Variants in ECHDC1 observed in about 807,000 individuals in gnomAD.
ECHDC1 encodes ethylmalonyl-CoA decarboxylase.
In ECHDC1, 29 loss-of-function variants were observed where a neutral mutation model predicts 29.7. The observed-to-expected ratio is 0.98, with a 90% CI of 0.73 to 1.33. ECHDC1 has a LOEUF of 1.33. Among genes scored for constraint, ECHDC1 ranks in the 40% most tolerant of loss-of-function variants. The probability of loss-of-function intolerance (pLI) is 0.00; values close to 1 mark genes in which losing one functional copy is unlikely to be tolerated. For missense variants in ECHDC1, 328 were observed against 350.0 expected (o/e 0.94, Z 0.50); for synonymous variants, 126 against 123.1 (o/e 1.02, Z -0.15).
In ECHDC1 at chr6:127,290,033, G is replaced by A; in HGVS notation, c.742C>T (p.Gln248Ter). ...EAQEWLKQFI[Q>*]GPPEVIRALK... ...GCTCTAATTACTTCCGGTGGCCCTT[G>A]GATGAATTGCTTTAGCCATTCTTGT... The change falls in exon 6 of 6, where the codon CAA (glutamine) becomes TAA (stop). Residue 248 changes from glutamine (Q) to a stop codon, truncating the protein, a stop_gained. Coordinates refer to ENST00000454859, the MANE Select transcript of ECHDC1 (RefSeq NM_001002030.2). LOFTEE classifies it high-confidence loss of function. 5 of 1,613,664 alleles carry A rather than the reference G, an allele frequency of 3.1e-6. No homozygotes were observed. Among genetic ancestry groups the A allele is most frequent in the Non-Finnish European group, 4.2e-6 (5 of 1,179,742 alleles).
intron 5 of ECHDC1, among the ~76,000 whole-genome samples, chr6:127,306,577 A>G (rs1781457277): frequency 6.6e-6 from 1 of 152,156 alleles, no homozygotes; most frequent in South Asian, 2.1e-4. Context: ...TGCTCCAGCC[A>G]TGTAGGACGT....
chr6:127,342,540 AC>A, intron 1 of ECHDC1: 1 of 597,382 alleles, frequency 1.7e-6, no homozygotes, highest in Non-Finnish European at 2.8e-6. Flanking sequence ...TATACTTCTC[AC>A]CACAAGCTTG....
chr6:127,332,696 C>T (rs1784071977), intron 1 of ECHDC1, among the ~76,000 whole-genome samples: 1 of 152,096 alleles, frequency 6.6e-6, no homozygotes, highest in Non-Finnish European at 1.5e-5. Context: ...TTTAGTCTGG[C>T]TCAGTGAATC....
chr6:127,300,812 G>A (rs970017027), intron 5 of ECHDC1, among the ~76,000 whole-genome samples: 4 of 152,202 alleles, frequency 2.6e-5, no homozygotes, highest in Non-Finnish European at 4.4e-5. Flanking sequence ...AAAACCAGCT[G>A]AGCCCAGCTA....
chr6:127,338,426 T>G (rs1039605648), intron 1 of ECHDC1, among the ~76,000 whole-genome samples: 1 of 152,126 alleles, frequency 6.6e-6, no homozygotes, highest in Non-Finnish European at 1.5e-5. Flanking sequence ...TAAAAGGATA[T>G]CTTTTTTTTT....
chr6:127,315,516 A>G, intron 4 of ECHDC1: 2 of 220,240 alleles, frequency 9.1e-6, no homozygotes, highest in Non-Finnish European at 1.8e-5. Context: ...GTGTGAATAC[A>G]AGGTAAATCT....
intron 5 of ECHDC1, among the ~76,000 whole-genome samples, chr6:127,302,311 A>G (rs1781113194): frequency 1.3e-5 from 2 of 152,200 alleles, no homozygotes; most frequent in African/African-American, 4.8e-5. Context: ...CTTGTTCCAA[A>G]TAACATCTAA....
chr6:127,299,077 G>A (rs1218647191), intron 5 of ECHDC1, among the ~76,000 whole-genome samples: 1 of 151,630 alleles, frequency 6.6e-6, no homozygotes, highest in East Asian at 1.9e-4. Flanking sequence ...ATGTTGCCCA[G>A]GCTGGTCTCC....
At chr6:127,327,844 G>A (rs1783504543) in intron 2 of ECHDC1, among the ~76,000 whole-genome samples, 1 of 152,136 alleles carries the variant, frequency 6.6e-6, no homozygotes, top group Admixed American at 6.5e-5. Context: ...CACAGAAACA[G>A]CTGGGACTGG....
intron 5 of ECHDC1, among the ~76,000 whole-genome samples, chr6:127,304,459 T>C (rs1352908955): frequency 8.5e-5 from 13 of 152,266 alleles, no homozygotes; most frequent in Admixed American, 4.6e-4. Flanking sequence ...GTGAAGATTA[T>C]AATAAATACC....
At chr6:127,335,664 C>G (rs1784367606) in intron 1 of ECHDC1, among the ~76,000 whole-genome samples, 1 of 151,876 alleles carries the variant, frequency 6.6e-6, no homozygotes, top group African/African-American at 2.4e-5. Context: ...GCTATGGTTA[C>G]CGAATAAAGA....
At chr6:127,307,648 G>GAAAAAAAAAAAAAAAAAA (rs71024770) in intron 5 of ECHDC1, among the ~76,000 whole-genome samples, 12 of 48,606 alleles carry the variant, frequency 2.5e-4, no homozygotes, top group Non-Finnish European at 3.4e-4. Context: ...CTCTGTCTCA[G>GAAAAAAAAAAAAAAAAAA]AAAAAAAAAA....
chr6:127,318,677 A>T (rs1157429216), intron 3 of ECHDC1, among the ~76,000 whole-genome samples: 1 of 152,200 alleles, frequency 6.6e-6, no homozygotes, highest in Admixed American at 6.5e-5. Context: ...CTAGACAGTA[A>T]GTCCCTTGAT....
intron 3 of ECHDC1, among the ~76,000 whole-genome samples, chr6:127,320,794 C>A (rs1782770346): frequency 6.6e-6 from 1 of 152,028 alleles, no homozygotes; most frequent in Non-Finnish European, 1.5e-5. Flanking sequence ...ACCATCTGAA[C>A]CAAGAATTAA....
chr6:127,308,126 G>C lies in ECHDC1; in HGVS notation c.497+6690C>G, dbSNP rs113438242. On this transcript the variant is annotated intron_variant, in intron 5 of 5. Coordinates refer to ENST00000454859, the MANE Select transcript of ECHDC1 (RefSeq NM_001002030.2). ...CCGATATTCTGAAAAATAGAGGAGGGGATACTTCCGAACTCATTCTGTGAG... is the reference window on the plus strand; with the variant it reads ...CCGATATTCTGAAAAATAGAGGAGGCGATACTTCCGAACTCATTCTGTGAG... 1.1e-4 allele frequency among the ~76,000 whole-genome samples: 17 copies of C among 152,110 alleles called. 1 individual carries two copies. The highest frequency in any genetic ancestry group is 4.1e-4 in the African/African-American group (17 of 41,498).
chr6:127,336,812 C>A (rs1784462521), intron 1 of ECHDC1, among the ~76,000 whole-genome samples: 2 of 152,032 alleles, frequency 1.3e-5, no homozygotes, highest in African/African-American at 4.8e-5. Flanking sequence ...GAAAAAAACA[C>A]CAAGGATTTT....
chr6:127,327,689 T>C (rs1314777223), intron 2 of ECHDC1, among the ~76,000 whole-genome samples: 1 of 152,172 alleles, frequency 6.6e-6, no homozygotes, highest in African/African-American at 2.4e-5. Context: ...TGTTCCATGG[T>C]TAACAAACTG....
rs757031616 is a variant in ECHDC1 at position 127,290,257 on chromosome 6, T to A, written c.518A>T (p.Lys173Met). ...CDFRLMTPES[K>M]IRFVHKEMGI... is the part of the protein sequence containing the mutation. The stretch of plus-strand genomic sequence containing the variant: ...CATCTCTTTGTGGACGAATCTGATC[T>A]TACTCTCTGGAGTCATTAACCTGTA... The change falls in exon 6 of 6, where the codon AAG (lysine) becomes ATG (methionine). Residue 173 changes from lysine to methionine, a missense_variant. By Grantham distance (95) the Lys-to-Met change is moderately conservative. Coordinates refer to ENST00000454859, the MANE Select transcript of ECHDC1 (RefSeq NM_001002030.2). 6 of 1,613,098 alleles carry A rather than the reference T, an allele frequency of 3.7e-6. No individual in the cohort carries two copies. Among genetic ancestry groups the A allele is most frequent in the African/African-American group, 1.3e-5 (1 of 74,868 alleles).
At chr6:127,293,767 T>C (rs1780380579) in intron 5 of ECHDC1, among the ~76,000 whole-genome samples, 1 of 152,138 alleles carries the variant, frequency 6.6e-6, no homozygotes, top group Non-Finnish European at 1.5e-5. Context: ...TTTAATACTA[T>C]TAAGTTGGTG....
Sources: allele counts gnomAD v4.1 joint callset (sites outside exome capture counted in the v4.1 genomes callset), GRCh38; gene constraint gnomAD v4.1.1; transcripts MANE v1.5; gene names NCBI Gene and HGNC (gene_info 2026-07-23, HGNC 2026-07-21).